Variants in TECTA observed in about 807,000 individuals in gnomAD.
The protein encoded by TECTA is tectorin alpha, also known as alpha-tectorin.
A neutral mutation model predicts 216.8 loss-of-function variants in TECTA; 128 were observed. That is an observed-to-expected ratio of 0.59 (90% confidence interval 0.51 to 0.68). The LOEUF is 0.68. Among genes scored for constraint, TECTA ranks in the 30% least tolerant of loss-of-function variants. The pLI is 0.00. For missense variants in TECTA, 2,551 were observed against 2,786.2 expected, an observed-to-expected ratio of 0.92 and a Z score of 1.90; for synonymous variants, 1,089 against 1,117.1, an observed-to-expected ratio of 0.97 and a Z score of 0.50.
chr11:121,104,835 C>G (rs954009444), intron 2 of TECTA, among the ~76,000 whole-genome samples: 2 of 151,682 alleles, frequency 1.3e-5, no homozygotes, highest in Non-Finnish European at 2.9e-5. Context: ...CCCCTGCCCC[C>G]GAGAATGAGA....
chr11:121,106,715 A>G (rs1431928401), intron 3 of TECTA, among the ~76,000 whole-genome samples: 1 of 151,974 alleles, frequency 6.6e-6, no homozygotes, highest in African/African-American at 2.4e-5. Flanking sequence ...AAGCATGTCC[A>G]CCTCTGGCCA....
In TECTA at chr11:121,129,741, C is replaced by T; in HGVS notation, c.2471C>T (p.Thr824Ile). The T allele has an allele frequency of 6.2e-7, 1 of 1,614,234 alleles. No individual in the cohort carries two copies. Among genetic ancestry groups the T allele is most frequent in the Non-Finnish European group, 8.5e-7 (1 of 1,180,036 alleles). ...STTVESKGVV[T>I]VQYSDIGLLY... The stretch of plus-strand genomic sequence containing the variant: ...ACAGTGGAGTCCAAGGGCGTGGTGA[C>T]TGTCCAGTACTCAGACATAGGTCTA... Residue 824 changes from threonine (T) to isoleucine (I), a missense_variant, in exon 10 of 24, where the codon ACT (threonine) becomes ATT (isoleucine). Transcript: ENST00000392793.
intron 7 of TECTA, among the ~76,000 whole-genome samples, chr11:121,122,690 A>G (rs961328576): frequency 6.8e-6 from 1 of 146,354 alleles, no homozygotes; most frequent in Admixed American, 6.8e-5. Context: ...AAAAAAAAAA[A>G]AAAGAAAGCC....
intron 21 of TECTA, 89 bp downstream of exon 21, chr11:121,188,083 G>T: frequency 7.0e-7 from 1 of 1,436,210 alleles, no homozygotes. Flanking sequence ...CAGGTGACCG[G>T]ACTGGAATCA....
chr11:121,108,391 C>G (rs564482761), intron 3 of TECTA, among the ~76,000 whole-genome samples: 1 of 151,186 alleles, frequency 6.6e-6, no homozygotes, highest in African/African-American at 2.4e-5. Context: ...CCAGTATACA[C>G]ACACATACAC....
chr11:121,102,634 T>A (rs1946356484), intron 1 of TECTA, 31 bp from the exon 2 acceptor site: 2 of 1,550,124 alleles, frequency 1.3e-6, no homozygotes, highest in African/African-American at 1.4e-5. Flanking sequence ...AAGCTGGGGA[T>A]TTTTTTTTCA....
At chr11:121,146,276 T>A in intron 12 of TECTA, 160 bp downstream of exon 12, 2 of 846,848 alleles carry the variant, frequency 2.4e-6, no homozygotes, top group South Asian at 3.0e-5. Context: ...GCATGACATG[T>A]AACCTCTTGG....
rs538112464 is a variant in TECTA at position 121,152,891 on chromosome 11, C to A, written c.4116C>A (p.Cys1372Ter). Residue 1372 changes from cysteine to a stop codon, truncating the protein, a stop_gained, in exon 13 of 24, where the codon TGC becomes TGA. Coordinates refer to ENST00000392793, the MANE Select transcript of TECTA (RefSeq NM_005422.4). LOFTEE classifies it high-confidence loss of function. ...TCTCTCTTGTTCCAGCTGTCACCTG[C>A]CCTCCAAACAGCCATTACGAGAGCT... ...WRNYTSCTVT[C>*]PPNSHYESCV... 25 of 1,600,404 alleles carry A rather than the reference C, an allele frequency of 1.6e-5. No individual in the cohort carries two copies. The highest frequency in any genetic ancestry group is 2.1e-5 in the Non-Finnish European group (25 of 1,169,024).
intron 20 of TECTA, among the ~76,000 whole-genome samples, chr11:121,186,531 G>A (rs974701886): frequency 6.6e-6 from 1 of 152,328 alleles, no homozygotes; most frequent in East Asian, 1.9e-4. Flanking sequence ...AAGAGGGAAG[G>A]TCAGTGTGAA....
At chr11:121,158,883 G>A (rs979597735) in intron 14 of TECTA, among the ~76,000 whole-genome samples, 4 of 152,056 alleles carry the variant, frequency 2.6e-5, no homozygotes, top group Non-Finnish European at 5.9e-5. Context: ...ATGGCTCTCC[G>A]ACTTGAATTC....
Position 121,129,786 on chromosome 11 carries a change from C to G in TECTA, c.2516C>G (p.Thr839Ser), listed in dbSNP as rs755526255. The G allele has an allele frequency of 6.2e-7, 1 of 1,614,208 alleles. No homozygotes were observed. Among genetic ancestry groups the G allele is most frequent in the South Asian group, 1.1e-5 (1 of 91,078 alleles). ...DIGLLYIRLS[T>S]TYFNCTGGLC... ...GGTCTATTGTACATCCGGCTGTCCA[C>G]CACATACTTCAATTGCACAGGGGGC... Residue 839 changes from threonine (T) to serine (S), a missense_variant, in exon 10 of 24, where the codon ACC becomes AGC. Coordinates refer to ENST00000392793, the MANE Select transcript of TECTA (RefSeq NM_005422.4).
intron 20 of TECTA, among the ~76,000 whole-genome samples, chr11:121,184,100 T>G (rs1320494310): frequency 6.6e-6 from 1 of 152,228 alleles, no homozygotes; most frequent in African/African-American, 2.4e-5. Context: ...CCTACAATAA[T>G]TCTTAAAGCA....
chr11:121,180,242 T>C (rs1055423936), intron 20 of TECTA, among the ~76,000 whole-genome samples: 1 of 152,194 alleles, frequency 6.6e-6, no homozygotes, highest in African/African-American at 2.4e-5. Context: ...TGTGTGTTTT[T>C]ATTATGTCAT....
rs1346289616 is a variant in TECTA at position 121,113,860 on chromosome 11, AT to A, written c.790+146del. 3 of 1,035,308 alleles carry A rather than the reference AT, an allele frequency of 2.9e-6. No individual in the cohort carries two copies. The highest frequency in any genetic ancestry group is 4.4e-6 in the Non-Finnish European group (3 of 689,422). 64.1% of individuals were successfully genotyped at this position (1,035,308 alleles called of 1,614,324 possible). On this transcript the variant is annotated intron_variant, in intron 6 of 23. Transcript: ENST00000392793. This position sits in a 1 kb window ranked among gnomAD's most constrained non-coding sequence, Gnocchi z 4.2. Reference sequence around the variant, plus strand: ...CCGCTGGGTAATGGAGATCAAGGTAATTTTAGCATGTGCATTCATCACATCA... The same window carrying A: ...CCGCTGGGTAATGGAGATCAAGGTAATTTAGCATGTGCATTCATCACATCA...
chr11:121,180,860 A>G (rs1349809574), intron 20 of TECTA, among the ~76,000 whole-genome samples: 1 of 92,850 alleles, frequency 1.1e-5, no homozygotes, highest in East Asian at 3.0e-4. Context: ...AAAGACCTGT[A>G]TTCAAGTTTT....
rs918788136 is a variant in TECTA, at chr11:121,105,544, C to T, written c.65-287C>T. Among the ~76,000 whole-genome samples, 7 of 152,208 alleles carry T rather than the reference C, an allele frequency of 4.6e-5. No homozygotes were observed. Among genetic ancestry groups the T allele is most frequent in the African/African-American group, 1.7e-4 (7 of 41,446 alleles). On this transcript the variant is annotated intron_variant, in intron 2 of 23. Transcript: ENST00000392793. The surrounding 1 kb of genome is among the most constrained non-coding windows in gnomAD (Gnocchi z 5.3). ...GTTTCCAGGGAAATTTCACAAATTTCCAGCCAGCTGTAGCCATAGATATCA... is the reference window on the plus strand; with the variant it reads ...GTTTCCAGGGAAATTTCACAAATTTTCAGCCAGCTGTAGCCATAGATATCA...
chr11:121,130,642 T>C (rs1946665130), intron 10 of TECTA, among the ~76,000 whole-genome samples: 1 of 152,128 alleles, frequency 6.6e-6, no homozygotes. Context: ...AACCTGACAA[T>C]GGGTATTAAG....
At chr11:121,159,663 C>T (rs1353760991) in intron 14 of TECTA, among the ~76,000 whole-genome samples, 1 of 152,178 alleles carries the variant, frequency 6.6e-6, no homozygotes. Flanking sequence ...CAATGATGCC[C>T]AGATCCATAT....
intron 20 of TECTA, among the ~76,000 whole-genome samples, chr11:121,187,033 T>C (rs1947294979): frequency 6.6e-6 from 1 of 152,146 alleles, no homozygotes; most frequent in African/African-American, 2.4e-5. Flanking sequence ...GAAAAGGCCA[T>C]TTGTTTGTGC....
Sources: allele counts gnomAD v4.1 joint callset (sites outside exome capture counted in the v4.1 genomes callset), GRCh38; gene constraint gnomAD v4.1.1; non-coding constraint Gnocchi (gnomAD v3.1); transcripts MANE v1.5; gene names NCBI Gene and HGNC (gene_info 2026-07-23, HGNC 2026-07-21).